Variants in WASF3 observed in about 807,000 individuals in gnomAD.
WASF3 encodes actin-binding protein WASF3.
In WASF3, 11 loss-of-function variants were observed where a neutral mutation model predicts 46.6. The observed-to-expected ratio is 0.24, with a 90% CI of 0.15 to 0.39. The LOEUF is 0.39. WASF3 is among the 10% of genes least tolerant of loss of function. The probability of loss-of-function intolerance (pLI) is 1.00; values close to 1 mark genes in which losing one functional copy is unlikely to be tolerated. For missense variants in WASF3, 576 were observed against 669.8 expected, an observed-to-expected ratio of 0.86 and a Z score of 1.55; for synonymous variants, 242 against 259.7, an observed-to-expected ratio of 0.93 and a Z score of 0.65.
chr13:26,599,104 C>A (rs1880565986), intron 1 of WASF3, among the ~76,000 whole-genome samples: 1 of 152,006 alleles, frequency 6.6e-6, no homozygotes, highest in Non-Finnish European at 1.5e-5. Context: ...TCGGGTGATT[C>A]ACCCGTCTTG....
chr13:26,582,617 C>T (rs191549039), intron 1 of WASF3, among the ~76,000 whole-genome samples: 2 of 125,516 alleles, frequency 1.6e-5, no homozygotes, highest in East Asian at 4.9e-4. Context: ...GTGGAGGTTG[C>T]AGTGAGCCGA....
At position 26,606,081 on chromosome 13, in the gene WASF3, C is replaced by T. The variant is rs1880786729; in HGVS notation, c.-108-6880C>T. ...GGGGCGGCACCTGGTGGTGCAGTAA[C>T]AGTACTTGGTGCTCTTTATTGCTTG... On this transcript the variant is annotated intron_variant, in intron 1 of 9. Coordinates refer to ENST00000335327, the MANE Select transcript of WASF3 (RefSeq NM_006646.6). Among the ~76,000 whole-genome samples, 2 of 152,118 alleles carry T rather than the reference C, an allele frequency of 1.3e-5. 1 individual carries two copies. The highest frequency in any genetic ancestry group is 4.2e-4 in the South Asian group (2 of 4,818).
chr13:26,675,118 T>G (rs549939085), intron 6 of WASF3, among the ~76,000 whole-genome samples: 2 of 152,146 alleles, frequency 1.3e-5, no homozygotes, highest in Non-Finnish European at 2.9e-5. Context: ...TTCTCACTTG[T>G]GTCCCTATCT....
intron 2 of WASF3, among the ~76,000 whole-genome samples, chr13:26,614,240 T>G (rs1881066614): frequency 6.6e-6 from 1 of 152,216 alleles, no homozygotes; most frequent in African/African-American, 2.4e-5. Flanking sequence ...TATCATTACA[T>G]ATTAATTTAC....
At chr13:26,583,539 GC>G (rs1880043909) in intron 1 of WASF3, among the ~76,000 whole-genome samples, 1 of 152,154 alleles carries the variant, frequency 6.6e-6, no homozygotes. Flanking sequence ...GTTATTTTCT[GC>G]TAGGTAGTGT....
At chr13:26,659,957 A>G (rs1485509821) in intron 3 of WASF3, among the ~76,000 whole-genome samples, 4 of 152,176 alleles carry the variant, frequency 2.6e-5, no homozygotes, top group Non-Finnish European at 5.9e-5. Context: ...ATGCATCAGG[A>G]TCTCAGGAAG....
the WASF3 span, among the ~76,000 whole-genome samples, chr13:26,549,841 G>C: frequency 1.3e-5 from 2 of 152,182 alleles, no homozygotes; most frequent in African/African-American, 2.4e-5. Flanking sequence ...TGAGGAGAAT[G>C]TTTGATAATG....
At chr13:26,566,234 G>C (rs753382662) in intron 1 of WASF3, among the ~76,000 whole-genome samples, 1 of 152,170 alleles carries the variant, frequency 6.6e-6, no homozygotes, top group African/African-American at 2.4e-5. Context: ...TACAGATAGA[G>C]TTTTAAGTGG....
intron 2 of WASF3, among the ~76,000 whole-genome samples, chr13:26,623,828 A>G (rs953723881): frequency 6.6e-6 from 1 of 152,204 alleles, no homozygotes; most frequent in Non-Finnish European, 1.5e-5. Context: ...ATAAATGTCA[A>G]GGAACTACAG....
intron 1 of WASF3, among the ~76,000 whole-genome samples, chr13:26,612,536 A>G (rs993649133): frequency 1.3e-5 from 2 of 152,232 alleles, no homozygotes; most frequent in South Asian, 2.1e-4. Flanking sequence ...TTGAATTTGA[A>G]TATTGTTATG....
chr13:26,649,935 G>T (rs968069365), intron 3 of WASF3, among the ~76,000 whole-genome samples: 1 of 152,120 alleles, frequency 6.6e-6, no homozygotes, highest in East Asian at 1.9e-4. Flanking sequence ...GCCAGGCGTG[G>T]TGGTGGGCAC....
intron 2 of WASF3, chr13:26,622,748 T>G (rs1881345711): frequency 6.6e-6 from 1 of 152,032 alleles, no homozygotes; most frequent in African/African-American, 2.4e-5. Flanking sequence ...GCACTGCAGC[T>G]TGGGAGACAA....
intron 2 of WASF3, among the ~76,000 whole-genome samples, chr13:26,626,963 C>G (rs886150044): frequency 1.3e-5 from 2 of 152,122 alleles, no homozygotes; most frequent in Non-Finnish European, 2.9e-5. Flanking sequence ...AAGTAAAATT[C>G]GCTACCCAGT....
upstream of WASF3, among the ~76,000 whole-genome samples, chr13:26,554,083 C>T (rs1566032430): frequency 8.2e-5 from 9 of 109,200 alleles, no homozygotes; most frequent in East Asian, 2.7e-4. Context: ...TTCCTTCCTT[C>T]CTTCCTTCCT....
chr13:26,636,664 A>G (rs1281623873), intron 2 of WASF3, among the ~76,000 whole-genome samples: 1 of 151,990 alleles, frequency 6.6e-6, no homozygotes, highest in Non-Finnish European at 1.5e-5. Flanking sequence ...ACTTATTTTT[A>G]TTTTTTACCA....
chr13:26,587,363 C>T (rs1880162284), intron 1 of WASF3, among the ~76,000 whole-genome samples: 1 of 151,502 alleles, frequency 6.6e-6, no homozygotes, highest in African/African-American at 2.4e-5. Flanking sequence ...TTTGTGGCCT[C>T]TGAAAGGGCT....
At chr13:26,591,648 G>A (rs547383023) in intron 1 of WASF3, among the ~76,000 whole-genome samples, 2 of 152,248 alleles carry the variant, frequency 1.3e-5, no homozygotes, top group South Asian at 4.2e-4. Context: ...TTGTGTATTA[G>A]ACATCCACGT....
chr13:26,649,264 A>G (rs1479661129), intron 3 of WASF3, among the ~76,000 whole-genome samples: 1 of 152,234 alleles, frequency 6.6e-6, no homozygotes, highest in African/African-American at 2.4e-5. Flanking sequence ...AAATAAAAAT[A>G]TAAATATGAG....
chr13:26,563,333 G>A (rs1057110209), intron 1 of WASF3, among the ~76,000 whole-genome samples: 4 of 151,774 alleles, frequency 2.6e-5, no homozygotes, highest in Non-Finnish European at 1.5e-5. Flanking sequence ...GTGTTGCACC[G>A]CCCCCGATGT....
Sources: gnomAD v4.1 joint callset for allele counts (sites outside exome capture counted in the v4.1 genomes callset) on GRCh38, gnomAD v4.1.1 for gene constraint, MANE v1.5 for transcripts, NCBI Gene and HGNC (gene_info 2026-07-23, HGNC 2026-07-21) for gene names.